EBI3: variants seen among roughly 807,000 people sequenced by gnomAD.
EBI3 encodes interleukin-27 subunit beta.
Under a neutral mutation model 21.3 loss-of-function variants are expected in EBI3, and 19 were observed. That is an observed-to-expected ratio of 0.89 (90% CI 0.62 to 1.31). The LOEUF (loss-of-function observed/expected upper bound fraction) is 1.31, where lower values mean the gene tolerates loss of function less well. Ranked by LOEUF, EBI3 falls within the 50% of genes most tolerant of loss-of-function variation. The probability of loss-of-function intolerance (pLI) is 0.00; values close to 1 mark genes in which losing one functional copy is unlikely to be tolerated. For missense variants in EBI3, 331 were observed against 314.0 expected (o/e 1.05, Z -0.41); for synonymous variants, 154 against 131.2 (o/e 1.17, Z -1.19).
intron 4 of EBI3, among the ~76,000 whole-genome samples, chr19:4,236,025 A>C (rs1462265621): frequency 3.3e-5 from 5 of 152,192 alleles, no homozygotes; most frequent in Admixed American, 6.6e-5. Context: ...AGGCAGGCAG[A>C]TCACTTGAGG....
rs951174123 is a variant in EBI3 at position 4,237,404 on chromosome 19, G to C, written c.*316G>C. ...GTTGTTGGGCTGGGCGCAGTGGATC[G>C]CACCTGTAATCCCAGTCACTGGGAA... On this transcript the variant is annotated 3_prime_UTR_variant, in exon 5 of 5. Coordinates refer to ENST00000221847, the MANE Select transcript of EBI3 (RefSeq NM_005755.3). The C allele has an allele frequency of 1.6e-5, 3 of 182,256 alleles. No individual in the cohort carries two copies. In the East Asian group the frequency reaches 4.0e-4, roughly 24 times the overall value. 11.3% of individuals were successfully genotyped at this position (182,256 alleles called of 1,614,324 possible). A position where few individuals can be genotyped will look rare whatever the true frequency, so the allele number is the denominator to read the frequency against.
At chr19:4,234,898 T>C in intron 4 of EBI3, 74 bp downstream of exon 4, 1 of 1,572,514 alleles carries the variant, frequency 6.4e-7, no homozygotes, top group Non-Finnish European at 8.6e-7. Context: ...GACTAGCAGG[T>C]GTGCTGGGCT....
chr19:4,230,072 C>G (rs995958288), intron 1 of EBI3, among the ~76,000 whole-genome samples: 1 of 152,010 alleles, frequency 6.6e-6, no homozygotes, highest in African/African-American at 2.4e-5. Context: ...TACAGGTGCC[C>G]GCCACCATGC....
chr19:4,232,397 C>T (rs1227368566), intron 2 of EBI3, among the ~76,000 whole-genome samples: 1 of 150,578 alleles, frequency 6.6e-6, no homozygotes. Context: ...GCCTGGGCAA[C>T]ATAGCAATAT....
rs774669864 is a variant in EBI3, at chr19:4,237,104, G to A, written c.*16G>A. ...GGGCAAGTAGCAAGGGCTTCCCGCT[G>A]CCTCCAGACAGCACCTGGGTCCTCG... On this transcript the variant is annotated 3_prime_UTR_variant, in exon 5 of 5. Transcript: ENST00000221847. 2 of 1,492,070 alleles carry A rather than the reference G, an allele frequency of 1.3e-6. No homozygotes were observed. The highest frequency in any genetic ancestry group is 2.7e-5 in the South Asian group (2 of 75,128). The allele number at this position is 1,492,070 out of a possible 1,614,324, so 92.4% of individuals were successfully genotyped here. A position where few individuals can be genotyped will look rare whatever the true frequency, so the allele number is the denominator to read the frequency against.
At position 4,230,341 on chromosome 19, in the gene EBI3, G is replaced by A. The variant is rs562857848; in HGVS notation, c.67+724G>A. On this transcript the variant is annotated intron_variant, in intron 1 of 4. Coordinates refer to ENST00000221847, the MANE Select transcript of EBI3 (RefSeq NM_005755.3). ...GCACTTTGGGAGGCCAGGGCGTGAG[G>A]ATCGTGAGGCCAGGAATTCGAGACC... 9.2e-5 allele frequency among the ~76,000 whole-genome samples: 14 copies of A among 152,220 alleles called. No individual in the cohort carries two copies. In the South Asian group the frequency reaches 1.9e-3, roughly 20 times the overall value.
intron 3 of EBI3, 40 bp downstream of exon 3, chr19:4,233,347 G>A (rs878862830): frequency 4.6e-6 from 7 of 1,533,396 alleles, no homozygotes; most frequent in South Asian, 3.7e-5. Flanking sequence ...CGGGGCTGCC[G>A]TCTCCTTCCA....
Position 4,237,115 on chromosome 19 carries a change from G to T in EBI3, c.*27G>T. ...AAGGGCTTCCCGCTGCCTCCAGACAGCACCTGGGTCCTCGCCACCCTAAGC... is the reference window on the plus strand; with the variant it reads ...AAGGGCTTCCCGCTGCCTCCAGACATCACCTGGGTCCTCGCCACCCTAAGC... On this transcript the variant is annotated 3_prime_UTR_variant, in exon 5 of 5. Transcript: ENST00000221847. 6.8e-7 allele frequency: 1 copy of T among 1,465,430 alleles called. No homozygotes were observed. Among genetic ancestry groups the T allele is most frequent in the Non-Finnish European group, 9.1e-7 (1 of 1,099,672 alleles). The allele number at this position is 1,465,430 out of a possible 1,614,324, so 90.8% of individuals were successfully genotyped here. A position where few individuals can be genotyped will look rare whatever the true frequency, so the allele number is the denominator to read the frequency against.
intron 4 of EBI3, among the ~76,000 whole-genome samples, chr19:4,236,305 G>C (rs1411529036): frequency 6.6e-6 from 1 of 151,608 alleles, no homozygotes; most frequent in African/African-American, 2.4e-5. Context: ...AGTGAGCTGA[G>C]ATCATGCCAC....
At chr19:4,235,958 C>T (rs1000711247) in intron 4 of EBI3, among the ~76,000 whole-genome samples, 3 of 151,900 alleles carry the variant, frequency 2.0e-5, no homozygotes, top group African/African-American at 2.4e-5. Context: ...AAATAAAAAG[C>T]ACGGTTAGGC....
rs868743006 is a variant in EBI3, at chr19:4,234,678, C to T, written c.391C>T (p.Pro131Ser). ...TGCTTGTCCGTCAGTCAAGCCCGAC[C>T]CTCCAGAAGGCGTGCGCCTAAGCCC... is the stretch of plus-strand genomic sequence containing the variant. ...FITEHIIKPD[P>S]PEGVRLSPLA... is the part of the protein sequence containing the mutation. Residue 131 changes from proline (P) to serine (S), a missense_variant, in exon 4 of 5, where the codon CCT (proline) becomes TCT (serine). Coordinates refer to ENST00000221847, the MANE Select transcript of EBI3 (RefSeq NM_005755.3). The T allele has an allele frequency of 6.2e-7, 1 of 1,612,920 alleles. No individual in the cohort carries two copies. Among genetic ancestry groups the T allele is most frequent in the Admixed American group, 1.7e-5 (1 of 59,848 alleles).
intron 4 of EBI3, 100 bp downstream of exon 4, chr19:4,234,924 C>G: frequency 6.6e-6 from 10 of 1,509,966 alleles, no homozygotes; most frequent in Non-Finnish European, 8.9e-6. Flanking sequence ...ACATAGCTTG[C>G]GATTCCGGGT....
chr19:4,231,400 G>C, intron 2 of EBI3, 77 bp downstream of exon 2: 3 of 1,472,332 alleles, frequency 2.0e-6, no homozygotes, highest in Non-Finnish European at 2.7e-6. Context: ...GAGAGCCCTG[G>C]GGTCAGGAAA....
Position 4,237,146 on chromosome 19 carries a change from G to A in EBI3, c.*58G>A. On this transcript the variant is annotated 3_prime_UTR_variant, in exon 5 of 5. Coordinates refer to ENST00000221847, the MANE Select transcript of EBI3 (RefSeq NM_005755.3). ...GGGTCCTCGCCACCCTAAGCCCCGG[G>A]ACACCTGTTGGAGGGCGGATGGGAT... 7.1e-7 allele frequency: 1 copy of A among 1,409,880 alleles called. No homozygotes were observed. The highest frequency in any genetic ancestry group is 9.3e-7 in the Non-Finnish European group (1 of 1,073,142). 87.3% of individuals were successfully genotyped at this position (1,409,880 alleles called of 1,614,324 possible).
chr19:4,232,614 C>T (rs1970795795), intron 2 of EBI3, among the ~76,000 whole-genome samples: 1 of 151,366 alleles, frequency 6.6e-6, no homozygotes, highest in Non-Finnish European at 1.5e-5. Context: ...GTCCCAACCG[C>T]TCTGGAGGCT....
rs745807169 is a variant in EBI3, at chr19:4,234,813, C to G, written c.526C>G (p.Arg176Gly). ...CCGTTACAAGCGTCAGGGAGCTGCG[C>G]GCTTCCACCGGGTGAGGAGGATGAG... Reference protein sequence around the residue: ...WIRYKRQGAARFHRVGPIEAT... With the variant: ...WIRYKRQGAAGFHRVGPIEAT... The change falls in exon 4 of 5, where the codon CGC becomes GGC. Residue 176 changes from arginine (R) to glycine (G), a missense_variant. Arg to Gly is a moderately radical substitution (Grantham distance 125, BLOSUM62 -2). Coordinates refer to ENST00000221847, the MANE Select transcript of EBI3 (RefSeq NM_005755.3). The G allele has an allele frequency of 6.2e-7, 1 of 1,613,850 alleles. No homozygotes were observed. The highest frequency in any genetic ancestry group is 1.1e-5 in the South Asian group (1 of 91,076).
rs1481052920 is a variant in EBI3, at chr19:4,235,270, C to T, written c.537+446C>T. Reference sequence around the variant, plus strand: ...CTGATCTCAGGTGATCTGCCTGCCTCGGACTCCCAAAGTGCTGGGATTACA... The same window carrying T: ...CTGATCTCAGGTGATCTGCCTGCCTTGGACTCCCAAAGTGCTGGGATTACA... On this transcript the variant is annotated intron_variant, in intron 4 of 4. Coordinates refer to ENST00000221847, the MANE Select transcript of EBI3 (RefSeq NM_005755.3). 2.7e-5 allele frequency among the ~76,000 whole-genome samples: 4 copies of T among 149,890 alleles called. No homozygotes were observed. In the East Asian group the frequency reaches 5.9e-4, roughly 22 times the overall value.
Sources: gnomAD v4.1 joint callset for allele counts (sites outside exome capture counted in the v4.1 genomes callset) on GRCh38, gnomAD v4.1.1 for gene constraint, MANE v1.5 for transcripts, NCBI Gene and HGNC (gene_info 2026-07-23, HGNC 2026-07-21) for gene names.